The following LRFN5 variants were observed in gnomAD, a reference collection of about 807,000 sequenced individuals.
The protein encoded by LRFN5 is leucine-rich repeat and fibronectin type-III domain-containing protein 5.
A neutral mutation model predicts 45.6 loss-of-function variants in LRFN5; 24 were observed. That is an observed-to-expected ratio of 0.53 (90% CI 0.38 to 0.74). LRFN5 has a LOEUF of 0.74. Ranked by LOEUF, LRFN5 falls within the 30% of genes least tolerant of loss-of-function variation. The pLI is 0.00. For synonymous variants in LRFN5, 340 were observed against 313.8 expected (o/e 1.08, Z -0.88); for missense variants, 776 against 861.5 (o/e 0.90, Z 1.24).
At chr14:41,853,475 G>T (rs765418614) in intron 2 of LRFN5, among the ~76,000 whole-genome samples, 1 of 152,010 alleles carries the variant, frequency 6.6e-6, no homozygotes, top group Non-Finnish European at 1.5e-5. Context: ...ATTGCAGCAT[G>T]GGAAAAGTAA....
chr14:41,788,328 G>A (rs960150372), intron 2 of LRFN5, among the ~76,000 whole-genome samples: 1 of 151,740 alleles, frequency 6.6e-6, no homozygotes, highest in Non-Finnish European at 1.5e-5. Context: ...TATATGTATG[G>A]CAGATTCATT....
chr14:41,681,616 A>T (rs1385423949), intron 1 of LRFN5, among the ~76,000 whole-genome samples: 2 of 152,060 alleles, frequency 1.3e-5, no homozygotes, highest in Non-Finnish European at 2.9e-5. Flanking sequence ...CATAAATAAC[A>T]AAAGGGTCCT....
intron 2 of LRFN5, among the ~76,000 whole-genome samples, chr14:41,768,812 C>G (rs1323234936): frequency 6.6e-6 from 1 of 152,076 alleles, no homozygotes; most frequent in Non-Finnish European, 1.5e-5. Context: ...CTGATAGATT[C>G]TCTAGTGTAA....
intron 1 of LRFN5, among the ~76,000 whole-genome samples, chr14:41,660,050 G>C (rs1880572402): frequency 6.6e-6 from 1 of 151,954 alleles, no homozygotes; most frequent in Non-Finnish European, 1.5e-5. Flanking sequence ...TTATGAAACA[G>C]AGTTTCTCCC....
chr14:41,797,950 T>C (rs1038539400), intron 2 of LRFN5, among the ~76,000 whole-genome samples: 1 of 151,948 alleles, frequency 6.6e-6, no homozygotes, highest in Non-Finnish European at 1.5e-5. Flanking sequence ...TCTCTTACTT[T>C]ATTATGTAGT....
intron 2 of LRFN5, among the ~76,000 whole-genome samples, chr14:41,769,921 A>T (rs957950025): frequency 1.3e-5 from 2 of 152,168 alleles, no homozygotes; most frequent in African/African-American, 2.4e-5. Flanking sequence ...ACTATAAGGA[A>T]ATACCCAAGG....
chr14:41,814,683 A>G (rs2138998560), intron 2 of LRFN5, among the ~76,000 whole-genome samples: 1 of 152,152 alleles, frequency 6.6e-6, no homozygotes, highest in Admixed American at 6.6e-5. Flanking sequence ...TGCTCCCCCC[A>G]CTTTGTATTT....
intron 2 of LRFN5, among the ~76,000 whole-genome samples, chr14:41,771,285 A>T (rs538767770): frequency 8.6e-4 from 131 of 151,562 alleles, no homozygotes; most frequent in African/African-American, 3.0e-3. Flanking sequence ...AATTCCTTCA[A>T]GGCATTTTTC....
intron 1 of LRFN5, among the ~76,000 whole-genome samples, chr14:41,633,757 T>C (rs541610334): frequency 5.9e-5 from 9 of 152,220 alleles, no homozygotes; most frequent in African/African-American, 2.2e-4. Context: ...AGTTAGAAAA[T>C]TTTAAAAAAC....
chr14:41,701,523 G>A (rs1346285035), intron 1 of LRFN5: 2 of 152,302 alleles, frequency 1.3e-5, no homozygotes, highest in Middle Eastern at 3.4e-3. Context: ...AGGCCGAAGT[G>A]GGTTCATCAC....
chr14:41,842,560 A>T (rs1038473711), intron 2 of LRFN5, among the ~76,000 whole-genome samples: 2 of 152,152 alleles, frequency 1.3e-5, no homozygotes, highest in South Asian at 4.1e-4. Flanking sequence ...TAATAGTTGT[A>T]TATGGGCTTA....
At chr14:41,707,968 A>G (rs1014913927) in intron 1 of LRFN5, among the ~76,000 whole-genome samples, 1 of 152,088 alleles carries the variant, frequency 6.6e-6, no homozygotes, top group Non-Finnish European at 1.5e-5. Flanking sequence ...TAATGTCTAA[A>G]TATTTATACA....
At chr14:41,898,111 G>C (rs1224985452) in intron 4 of LRFN5, among the ~76,000 whole-genome samples, 1 of 151,816 alleles carries the variant, frequency 6.6e-6, no homozygotes, top group Non-Finnish European at 1.5e-5. Flanking sequence ...ATGAATATTT[G>C]TGCTGAAAGT....
chr14:41,816,497 T>C (rs1887922635), intron 2 of LRFN5, among the ~76,000 whole-genome samples: 1 of 152,120 alleles, frequency 6.6e-6, no homozygotes, highest in Non-Finnish European at 1.5e-5. Context: ...TGTTTGTTTG[T>C]CTGAGGGAGT....
chr14:41,657,034 A>T (rs939283302), intron 1 of LRFN5, among the ~76,000 whole-genome samples: 1 of 151,868 alleles, frequency 6.6e-6, no homozygotes, highest in East Asian at 1.9e-4. Flanking sequence ...TAATATATAG[A>T]AAAGGGAATT....
At chr14:41,800,466 A>T (rs1333827045) in intron 2 of LRFN5, among the ~76,000 whole-genome samples, 1 of 151,858 alleles carries the variant, frequency 6.6e-6, no homozygotes, top group Non-Finnish European at 1.5e-5. Context: ...TAACTTTTTA[A>T]TATATTTTCT....
intron 1 of LRFN5, among the ~76,000 whole-genome samples, chr14:41,639,288 A>C (rs1314696259): frequency 6.6e-6 from 1 of 152,078 alleles, no homozygotes; most frequent in Non-Finnish European, 1.5e-5. Flanking sequence ...ACAGTCTGAT[A>C]AATACTCTAA....
chr14:41,831,932 G>A (rs1888497285), intron 2 of LRFN5, among the ~76,000 whole-genome samples: 1 of 152,046 alleles, frequency 6.6e-6, no homozygotes. Context: ...GCTTACAGAT[G>A]TCCACCTTCT....
chr14:41,787,501 CT>C lies in LRFN5; in HGVS notation c.-21+20479del, dbSNP rs1355157014. On this transcript the variant is annotated intron_variant, in intron 2 of 5. Transcript: ENST00000298119. ...TGTCTCATGTTTGAAATATATAGCA[CT>C]TTTTTTGTCTTTTTTTTTTCTAGTG... Among the ~76,000 whole-genome samples the C allele has an allele frequency of 8.9e-5, 10 of 112,424 alleles. No homozygotes were observed. In the East Asian group the frequency reaches 8.6e-3, roughly 97 times the overall value. The allele number at this position is 112,424 out of a possible 152,430, so 73.8% of individuals were successfully genotyped here. A position where few individuals can be genotyped will look rare whatever the true frequency, so the allele number is the denominator to read the frequency against.
Sources: allele counts gnomAD v4.1 joint callset (sites outside exome capture counted in the v4.1 genomes callset), GRCh38; gene constraint gnomAD v4.1.1; transcripts MANE v1.5; gene names NCBI Gene and HGNC (gene_info 2026-07-23, HGNC 2026-07-21).